The following PTPRU variants were observed in gnomAD, a reference collection of about 807,000 sequenced individuals.
The protein encoded by PTPRU is receptor-type tyrosine-protein phosphatase U.
In PTPRU, 69 loss-of-function variants were observed where a neutral mutation model predicts 166.3. The observed-to-expected ratio is 0.41, with a 90% CI of 0.34 to 0.51. PTPRU has a LOEUF of 0.51. Ranked by LOEUF, PTPRU falls within the 20% of genes least tolerant of loss-of-function variation. The pLI is 0.09. For synonymous variants in PTPRU, 793 were observed against 814.0 expected (o/e 0.97, Z 0.44); for missense variants, 1,657 against 2,013.7 (o/e 0.82, Z 3.39).
rs894569392 is a variant in PTPRU at position 29,320,364 on chromosome 1, C to T, written c.3688-321C>T. The T allele has an allele frequency of 1.8e-4, 49 of 274,498 alleles. No homozygotes were observed. The highest frequency in any genetic ancestry group is 9.9e-4 in the Middle Eastern group (1 of 1,006). The allele number at this position is 274,498 out of a possible 1,614,324, so 17.0% of individuals were successfully genotyped here. A position where few individuals can be genotyped will look rare whatever the true frequency, so the allele number is the denominator to read the frequency against. Reference sequence around the variant, plus strand: ...AGCCAAAATAGCAGATGCCGAAGCGCGGAGGCAGGGAGTAAGCTCGGCCAG... The same window carrying T: ...AGCCAAAATAGCAGATGCCGAAGCGTGGAGGCAGGGAGTAAGCTCGGCCAG... On this transcript the variant is annotated intron_variant, in intron 25 of 29. Coordinates refer to ENST00000373779, the MANE Select transcript of PTPRU (RefSeq NM_133178.4). This position sits in a 1 kb window ranked among gnomAD's most constrained non-coding sequence, Gnocchi z 5.2.
intron 11 of PTPRU, among the ~76,000 whole-genome samples, chr1:29,281,624 TG>T (rs970075435): frequency 1.3e-5 from 2 of 152,066 alleles, no homozygotes; most frequent in Non-Finnish European, 2.9e-5. Flanking sequence ...TACCTCCTGG[TG>T]GGATTTAGGG....
chr1:29,276,975 A>G (rs879287648), intron 8 of PTPRU, among the ~76,000 whole-genome samples: 4 of 152,192 alleles, frequency 2.6e-5, no homozygotes, highest in Admixed American at 2.6e-4. Flanking sequence ...GATATTTCCT[A>G]TCTTCATTAT....
intron 14 of PTPRU, among the ~76,000 whole-genome samples, chr1:29,285,682 T>C (rs1214858254): frequency 6.6e-6 from 1 of 152,238 alleles, no homozygotes; most frequent in Non-Finnish European, 1.5e-5. Context: ...TTTTCAAATC[T>C]TTTTAAAGAA....
Position 29,315,269 on chromosome 1 carries a change from C to T in PTPRU, c.3228-103C>T, listed in dbSNP as rs1687846407. The stretch of plus-strand genomic sequence containing the variant: ...GGCAGTCATCTCTGTGTCCGTGTCC[C>T]CTGTATGGTGTAGACATGGCCAGTG... On this transcript the variant is annotated intron_variant, in intron 22 of 29. Transcript: ENST00000373779. This position sits in a 1 kb window ranked among gnomAD's most constrained non-coding sequence, Gnocchi z 4.5. 28 of 1,445,698 alleles carry T rather than the reference C, an allele frequency of 1.9e-5. No individual in the cohort carries two copies. Among genetic ancestry groups the T allele is most frequent in the Non-Finnish European group, 2.6e-5 (27 of 1,049,550 alleles). The allele number at this position is 1,445,698 out of a possible 1,614,324, so 89.6% of individuals were successfully genotyped here.
In PTPRU at chr1:29,311,774, C is replaced by G. The variant is rs202191002; in HGVS notation, c.3072+15C>G. On this transcript the variant is annotated intron_variant, in intron 21 of 29. Coordinates refer to ENST00000373779, the MANE Select transcript of PTPRU (RefSeq NM_133178.4). The surrounding 1 kb of genome is among the most constrained non-coding windows in gnomAD (Gnocchi z 4.1). The stretch of plus-strand genomic sequence containing the variant: ...CCCTGGAGCGGGTGAGTCTCCCCAC[C>G]GCCTGTTCCCTGCAGAGGGTGCCTG... The G allele has an allele frequency of 6.2e-7, 1 of 1,606,998 alleles. No individual in the cohort carries two copies.
In PTPRU at chr1:29,304,867, G is replaced by A; in HGVS notation, c.2743+18G>A. 1 of 1,601,762 alleles carries A rather than the reference G, an allele frequency of 6.2e-7. No individual in the cohort carries two copies. The highest frequency in any genetic ancestry group is 2.2e-5 in the East Asian group (1 of 44,640). ...GCCTGCCTGTGAGTCCTGGGGAAGG[G>A]CCTGGGGTCCAGGGCAGTGGGTGGG... On this transcript the variant is annotated intron_variant, in intron 17 of 29. Coordinates refer to ENST00000373779, the MANE Select transcript of PTPRU (RefSeq NM_133178.4).
intron 1 of PTPRU, among the ~76,000 whole-genome samples, chr1:29,239,311 T>TA (rs1325575586): frequency 3.3e-5 from 5 of 152,186 alleles, no homozygotes; most frequent in Non-Finnish European, 5.9e-5. Flanking sequence ...GCAAACCTGG[T>TA]AGTTATTTAT....
intron 7 of PTPRU, among the ~76,000 whole-genome samples, chr1:29,266,932 C>T (rs138517287): frequency 1.4e-4 from 21 of 152,102 alleles, no homozygotes; most frequent in African/African-American, 4.8e-4. Context: ...ATCAAAAATA[C>T]GGTATTTGCG....
rs184416230 is a variant in PTPRU, at chr1:29,323,538, G to A, written c.3954+42G>A. 64 of 1,611,392 alleles carry A rather than the reference G, an allele frequency of 4.0e-5. No homozygotes were observed. The African/African-American group carries it at 7.5e-4, about 19-fold the overall frequency. ...GCCCCAGGGAAGGACCCTGGGTGGT[G>A]GCTGGGGCAGCTTTTAATGACCCTC... On this transcript the variant is annotated intron_variant, in intron 27 of 29. Transcript: ENST00000373779.
At chr1:29,264,598 CAGGTTCA>C (rs1349501578) in intron 7 of PTPRU, among the ~76,000 whole-genome samples, 1 of 151,916 alleles carries the variant, frequency 6.6e-6, no homozygotes, top group Non-Finnish European at 1.5e-5. Context: ...CTCCGCCTCC[CAGGTTCA>C]AGCGATTCTC....
chr1:29,311,775 G>T lies in PTPRU; in HGVS notation c.3072+16G>T, dbSNP rs747832906. 3.1e-6 allele frequency: 5 copies of T among 1,605,752 alleles called. No individual in the cohort carries two copies. Among genetic ancestry groups the T allele is most frequent in the Non-Finnish European group, 4.3e-6 (5 of 1,173,500 alleles). ...CCTGGAGCGGGTGAGTCTCCCCACC[G>T]CCTGTTCCCTGCAGAGGGTGCCTGA... is the stretch of plus-strand genomic sequence containing the variant. On this transcript the variant is annotated intron_variant, in intron 21 of 29. Transcript: ENST00000373779. The surrounding 1 kb of genome is among the most constrained non-coding windows in gnomAD (Gnocchi z 4.1).
intron 26 of PTPRU, among the ~76,000 whole-genome samples, chr1:29,321,472 C>T (rs1418676870): frequency 6.6e-6 from 1 of 152,190 alleles, no homozygotes; most frequent in Non-Finnish European, 1.5e-5. Flanking sequence ...TCAGTGCCTT[C>T]TCCAGGGCCA....
chr1:29,301,770 TC>T (rs1265899925), intron 15 of PTPRU, among the ~76,000 whole-genome samples: 2 of 152,110 alleles, frequency 1.3e-5, no homozygotes, highest in African/African-American at 4.8e-5. Context: ...TGTGTGATGT[TC>T]CCCGCCCTGT....
In PTPRU at chr1:29,325,310, ACATGGTGGAGAC is replaced by A; in HGVS notation, c.4240_4248+3del. 1 of 1,613,916 alleles carries A rather than the reference ACATGGTGGAGAC, an allele frequency of 6.2e-7. No individual in the cohort carries two copies. Among genetic ancestry groups the A allele is most frequent in the Non-Finnish European group, 8.5e-7 (1 of 1,179,810 alleles). ...AAAACCCTCCGGAACTACAAACCCAACATGGTGGAGACCATGGTGAGGGGCTGTGTCCCGTGC... is the reference window on the plus strand; with the variant it reads ...AAAACCCTCCGGAACTACAAACCCAACATGGTGAGGGGCTGTGTCCCGTGC... On this transcript the variant is annotated inframe_deletion, in exon 29 of 30. Coordinates refer to ENST00000373779, the MANE Select transcript of PTPRU (RefSeq NM_133178.4).
Position 29,315,251 on chromosome 1 carries a change from A to G in PTPRU, c.3228-121A>G, listed in dbSNP as rs1687845166. On this transcript the variant is annotated intron_variant, in intron 22 of 29. Transcript: ENST00000373779. The surrounding 1 kb of genome is among the most constrained non-coding windows in gnomAD (Gnocchi z 4.5). The stretch of plus-strand genomic sequence containing the variant: ...GCTCCTTACTCGGGGAGGGGCAGTC[A>G]TCTCTGTGTCCGTGTCCCCTGTATG... 1 of 1,268,718 alleles carries G rather than the reference A, an allele frequency of 7.9e-7. No homozygotes were observed. The highest frequency in any genetic ancestry group is 1.1e-6 in the Non-Finnish European group (1 of 912,218). 78.6% of individuals were successfully genotyped at this position (1,268,718 alleles called of 1,614,324 possible).
chr1:29,303,795 C>T (rs893775790), intron 15 of PTPRU, 60 bp from the exon 16 acceptor site: 4 of 1,489,252 alleles, frequency 2.7e-6, no homozygotes, highest in Non-Finnish European at 3.7e-6. Context: ...CCAGTCTCTC[C>T]AGGACCCCCG....
intron 24 of PTPRU, 72 bp downstream of exon 24, chr1:29,316,223 G>C: frequency 6.7e-7 from 1 of 1,500,418 alleles, no homozygotes; most frequent in Non-Finnish European, 9.1e-7. Context: ...CCTTAATACT[G>C]CAGGAGTCAT....
Position 29,292,036 on chromosome 1 carries a change from C to T in PTPRU, c.2476+10C>T, listed in dbSNP as rs575813605. ...GGCTACAGCACCCGGGGTGAGTGCC[C>T]GGCCCTCCTACCCCTTCTTCATGGC... On this transcript the variant is annotated intron_variant, in intron 15 of 29. Transcript: ENST00000373779. The T allele has an allele frequency of 2.9e-5, 47 of 1,613,596 alleles. No homozygotes were observed. Among genetic ancestry groups the T allele is most frequent in the East Asian group, 8.9e-5 (4 of 44,880 alleles).
chr1:29,305,283 A>G, intron 17 of PTPRU, 69 bp from the exon 18 acceptor site: 2 of 1,476,228 alleles, frequency 1.4e-6, no homozygotes, highest in Non-Finnish European at 9.4e-7. Context: ...AGCCTCCAGG[A>G]ATCCCTCCCT....
Sources: gnomAD v4.1 joint callset for allele counts (sites outside exome capture counted in the v4.1 genomes callset) on GRCh38, gnomAD v4.1.1 for gene constraint, Gnocchi (gnomAD v3.1) non-coding constraint, MANE v1.5 for transcripts, NCBI Gene and HGNC (gene_info 2026-07-23, HGNC 2026-07-21) for gene names.